HYCC1: variants seen among roughly 807,000 people sequenced by gnomAD.
The protein encoded by HYCC1 is hyccin.
the HYCC1 span, chr7:22,944,417 G>A: frequency 6.6e-6 from 1 of 152,058 alleles, no homozygotes; most frequent in Non-Finnish European, 1.5e-5. Flanking sequence ...TTACTTTTTA[G>A]TTGGGAGGTA....
chr7:22,964,492 T>C, the HYCC1 span: 40 of 1,609,886 alleles, frequency 2.5e-5, no homozygotes, highest in Middle Eastern at 1.6e-4. Flanking sequence ...TACCTTTATA[T>C]TTTCTTACAT....
the HYCC1 span, among the ~76,000 whole-genome samples, chr7:22,922,115 ATAATCTAACTTTATGAATAATAAAGT>A: frequency 0.014 from 1,305 of 91,060 alleles, 6 homozygotes; most frequent in African/African-American, 0.023. Context: ...ATCAAACGGC[ATAATCTAACTTTATGAATAATAAAGT>A]TAATCTAACT....
chr7:23,009,263 C>A, the HYCC1 span, among the ~76,000 whole-genome samples: 1 of 151,978 alleles, frequency 6.6e-6, no homozygotes, highest in East Asian at 1.9e-4. Flanking sequence ...AAATTTCCTA[C>A]AATGATTATT....
chr7:22,958,124 T>G, the HYCC1 span, among the ~76,000 whole-genome samples: 1 of 151,998 alleles, frequency 6.6e-6, no homozygotes, highest in African/African-American at 2.4e-5. Flanking sequence ...CAGTGCCTGT[T>G]AGAGAGCCTA....
chr7:22,996,597 T>TA, the HYCC1 span, among the ~76,000 whole-genome samples: 4,101 of 106,406 alleles, frequency 0.039, 166 homozygotes, highest in Non-Finnish European at 0.051. Flanking sequence ...GTACAATTGT[T>TA]AAAAAAAAAA....
the HYCC1 span, among the ~76,000 whole-genome samples, chr7:22,915,401 A>T: frequency 2.6e-5 from 4 of 152,222 alleles, no homozygotes; most frequent in Non-Finnish European, 5.9e-5. Flanking sequence ...AAGTGCTGGA[A>T]ATCTGGCCAC....
At chr7:22,943,479 C>G in the HYCC1 span, 1 of 152,066 alleles carries the variant, frequency 6.6e-6, no homozygotes, top group East Asian at 1.9e-4. Flanking sequence ...CTTACTGGTC[C>G]TCAGACCACA....
the HYCC1 span, among the ~76,000 whole-genome samples, chr7:22,979,004 T>C: frequency 5.9e-5 from 9 of 152,162 alleles, no homozygotes; most frequent in Non-Finnish European, 1.2e-4. Context: ...TTAAAGCATA[T>C]ACAATGATTG....
the HYCC1 span, among the ~76,000 whole-genome samples, chr7:22,909,672 CA>C: frequency 6.6e-6 from 1 of 152,300 alleles, no homozygotes. Flanking sequence ...CTGAACACAT[CA>C]AGGTCTTTTA....
the HYCC1 span, among the ~76,000 whole-genome samples, chr7:22,949,470 A>C: frequency 6.6e-6 from 1 of 152,124 alleles, no homozygotes; most frequent in African/African-American, 2.4e-5. Context: ...TTATTCATGT[A>C]GATTCCTGGC....
At chr7:22,912,560 T>C in the HYCC1 span, among the ~76,000 whole-genome samples, 1 of 152,194 alleles carries the variant, frequency 6.6e-6, no homozygotes, top group Non-Finnish European at 1.5e-5. Context: ...TGACCTTTGC[T>C]TCAGCTTGCT....
At chr7:22,936,006 GA>G in the HYCC1 span, 1 of 148,070 alleles carries the variant, frequency 6.8e-6, no homozygotes, top group African/African-American at 2.5e-5. Context: ...TGGGAATTTT[GA>G]TGTTAATTAC....
chr7:22,981,832 G>A, the HYCC1 span, among the ~76,000 whole-genome samples: 1 of 152,156 alleles, frequency 6.6e-6, no homozygotes, highest in Non-Finnish European at 1.5e-5. Context: ...GTTCATGTTA[G>A]TCATGTATTT....
At chr7:22,950,269 CCT>C in the HYCC1 span, among the ~76,000 whole-genome samples, 1 of 151,924 alleles carries the variant, frequency 6.6e-6, no homozygotes, top group African/African-American at 2.4e-5. Context: ...TTTCACATAC[CCT>C]CTTCCTTTTT....
the HYCC1 span, among the ~76,000 whole-genome samples, chr7:22,924,691 G>A: frequency 1.6e-3 from 250 of 152,348 alleles, 3 homozygotes; most frequent in African/African-American, 5.8e-3. Context: ...TGGGAAGCTC[G>A]AACTGGGTGG....
the HYCC1 span, among the ~76,000 whole-genome samples, chr7:22,965,144 A>G: frequency 1.2e-3 from 179 of 151,326 alleles, 1 homozygote; most frequent in East Asian, 0.017. Flanking sequence ...AAAAAAAAAA[A>G]AAAGAAAGAA....
the HYCC1 span, chr7:22,991,167 C>T: frequency 9.3e-6 from 13 of 1,397,464 alleles, no homozygotes; most frequent in Middle Eastern, 1.1e-3. Context: ...AAAATGTTAA[C>T]GTTTTGAATA....
the HYCC1 span, among the ~76,000 whole-genome samples, chr7:22,961,005 C>T: frequency 1.3e-5 from 2 of 152,180 alleles, no homozygotes; most frequent in African/African-American, 2.4e-5. Context: ...GAGCCGAGAT[C>T]GTGCCATTGC....
the HYCC1 span, among the ~76,000 whole-genome samples, chr7:22,918,620 A>G: frequency 2.6e-5 from 4 of 152,128 alleles, no homozygotes; most frequent in African/African-American, 9.7e-5. Flanking sequence ...AAGAATCACT[A>G]AAGAAGTGAA....
Sources: gnomAD v4.1 joint callset for allele counts (sites outside exome capture counted in the v4.1 genomes callset) on GRCh38, gnomAD v4.1.1 for gene constraint, MANE v1.5 for transcripts, NCBI Gene and HGNC (gene_info 2026-07-23, HGNC 2026-07-21) for gene names.